CNIH3: variants seen among roughly 807,000 people sequenced by gnomAD.
The protein encoded by CNIH3 is protein cornichon homolog 3.
CNIH3 carries 14 observed loss-of-function variants against 24.1 expected under a neutral mutation model. That is an observed-to-expected ratio of 0.58 (90% CI 0.38 to 0.91). The LOEUF is 0.91. Among genes scored for constraint, CNIH3 ranks in the 40% least tolerant of loss-of-function variants. The pLI is 0.00. For missense variants in CNIH3, 178 were observed against 196.8 expected, an observed-to-expected ratio of 0.90 and a Z score of 0.57; for synonymous variants, 68 against 73.8, an observed-to-expected ratio of 0.92 and a Z score of 0.40.
chr1:224,739,382 G>T lies in CNIH3; in HGVS notation c.*26G>T, dbSNP rs148695032. The T allele has an allele frequency of 2.6e-6, 4 of 1,565,114 alleles. No individual in the cohort carries two copies. In the African/African-American group the frequency reaches 5.8e-5, roughly 23 times the overall value. ...CGCAAAGACCATGCACATCATCAGA[G>T]ACTGAGATGGGAGAGGCCTGAGACG... On this transcript the variant is annotated 3_prime_UTR_variant, in exon 6 of 6. Transcript: ENST00000272133.
intron 1 of CNIH3, among the ~76,000 whole-genome samples, chr1:224,620,154 A>C (rs1683211136): frequency 6.6e-6 from 1 of 152,242 alleles, no homozygotes; most frequent in African/African-American, 2.4e-5. Flanking sequence ...CTCTGAGTAC[A>C]TTTATCACAT....
intron 3 of CNIH3, among the ~76,000 whole-genome samples, chr1:224,705,929 C>A (rs553209856): frequency 7.4e-6 from 1 of 135,948 alleles, no homozygotes; most frequent in East Asian, 2.2e-4. Context: ...TTCGGGGAAG[C>A]CTTTTGCTTC....
chr1:224,458,950 T>A lies in CNIH3; in HGVS notation n.203+24088T>A, dbSNP rs1390789537. Among the ~76,000 whole-genome samples, 1 of 152,044 alleles carries A rather than the reference T, an allele frequency of 6.6e-6. No individual in the cohort carries two copies. Among genetic ancestry groups the A allele is most frequent in the Non-Finnish European group, 1.5e-5 (1 of 68,008 alleles). Reference sequence around the variant, plus strand: ...GCAACTTTTCAAGAAAAGGGGAAAATTTAAGCACCATACTGTTATGTGGTC... The same window carrying A: ...GCAACTTTTCAAGAAAAGGGGAAAAATTAAGCACCATACTGTTATGTGGTC... On this transcript the variant is annotated intron_variant and non_coding_transcript_variant, in intron 1 of 5. Coordinates refer to the CNIH3 transcript ENST00000471578. This position sits in a 1 kb window ranked among gnomAD's most constrained non-coding sequence, Gnocchi z 4.3.
intron 1 of CNIH3, among the ~76,000 whole-genome samples, chr1:224,486,600 G>T (rs1368434137): frequency 6.6e-6 from 1 of 151,996 alleles, no homozygotes; most frequent in East Asian, 1.9e-4. Context: ...TACATACCTA[G>T]AATGCTCTTT....
intron 3 of CNIH3, among the ~76,000 whole-genome samples, chr1:224,707,651 A>C (rs1687895806): frequency 6.6e-6 from 1 of 152,154 alleles, no homozygotes; most frequent in Non-Finnish European, 1.5e-5. Context: ...GCTTGTTATA[A>C]AGGCAGAATC....
At chr1:224,724,240 C>T (rs558473106) in intron 3 of CNIH3, among the ~76,000 whole-genome samples, 5 of 152,158 alleles carry the variant, frequency 3.3e-5, no homozygotes, top group Non-Finnish European at 7.3e-5. Context: ...TCGACCCAAC[C>T]CAAGTCCCAG....
At chr1:224,470,052 T>C (rs1361645949) in intron 1 of CNIH3, among the ~76,000 whole-genome samples, 2 of 151,900 alleles carry the variant, frequency 1.3e-5, no homozygotes, top group Non-Finnish European at 2.9e-5. Flanking sequence ...AGAGTCTCGC[T>C]TTGTTGCCCA....
intron 4 of CNIH3, among the ~76,000 whole-genome samples, chr1:224,730,835 A>G (rs1689289513): frequency 6.6e-6 from 1 of 152,258 alleles, no homozygotes; most frequent in Non-Finnish European, 1.5e-5. Context: ...CATTCACAAC[A>G]GCCAAAGAGT....
At chr1:224,716,056 C>T (rs994072107) in intron 3 of CNIH3, among the ~76,000 whole-genome samples, 2 of 152,204 alleles carry the variant, frequency 1.3e-5, no homozygotes, top group East Asian at 1.9e-4. Context: ...TCATACTCAC[C>T]CTCTCATCCA....
intron 3 of CNIH3, among the ~76,000 whole-genome samples, chr1:224,600,953 G>C (rs540411977): frequency 1.3e-5 from 2 of 152,212 alleles, no homozygotes; most frequent in Non-Finnish European, 2.9e-5. Context: ...TACAGGCAGC[G>C]AATCCAAACA....
intron 1 of CNIH3, among the ~76,000 whole-genome samples, chr1:224,657,433 G>A (rs1572670882): frequency 6.6e-6 from 1 of 151,482 alleles, no homozygotes; most frequent in Admixed American, 6.6e-5. Context: ...GAGAGAGAGA[G>A]AAATATGCCT....
chr1:224,540,903 A>G (rs1370223807), downstream of CNIH3, among the ~76,000 whole-genome samples: 1 of 152,232 alleles, frequency 6.6e-6, no homozygotes, highest in Non-Finnish European at 1.5e-5. Context: ...TCAACTTTCG[A>G]AAACTAGATT....
intron 1 of CNIH3, among the ~76,000 whole-genome samples, chr1:224,451,970 T>C (rs1192791921): frequency 1.3e-5 from 2 of 152,230 alleles, no homozygotes; most frequent in Admixed American, 6.5e-5. Flanking sequence ...TCTGCTTCTA[T>C]ACAGGTTATG....
At chr1:224,494,520 T>C (rs532120423) in intron 1 of CNIH3, among the ~76,000 whole-genome samples, 38 of 152,334 alleles carry the variant, frequency 2.5e-4, no homozygotes, top group Non-Finnish European at 2.9e-4. Flanking sequence ...GCCTGCTGCC[T>C]GACAGTCCTG....
chr1:224,449,942 C>T (rs1675321055), intron 1 of CNIH3, among the ~76,000 whole-genome samples: 1 of 149,604 alleles, frequency 6.7e-6, no homozygotes, highest in Non-Finnish European at 1.5e-5. Flanking sequence ...TTCATCCAAA[C>T]CATCCATTCA....
chr1:224,678,970 A>G (rs982925482), intron 1 of CNIH3, among the ~76,000 whole-genome samples: 1 of 151,996 alleles, frequency 6.6e-6, no homozygotes, highest in African/African-American at 2.4e-5. Flanking sequence ...TGTAACTACT[A>G]CTCAACCCTG....
intron 3 of CNIH3, among the ~76,000 whole-genome samples, chr1:224,723,434 G>A (rs1688848019): frequency 6.6e-6 from 1 of 152,174 alleles, no homozygotes; most frequent in Non-Finnish European, 1.5e-5. Context: ...CCACAGTGTG[G>A]ATTAAATGTG....
At chr1:224,696,211 A>G (rs917092549) in intron 3 of CNIH3, among the ~76,000 whole-genome samples, 6 of 152,216 alleles carry the variant, frequency 3.9e-5, no homozygotes, top group African/African-American at 1.4e-4. Context: ...CATGTGGACC[A>G]TGAGGACATC....
intron 3 of CNIH3, among the ~76,000 whole-genome samples, chr1:224,706,958 C>CT (rs71170031): frequency 0.017 from 1,372 of 82,074 alleles, 51 homozygotes; most frequent in African/African-American, 0.042. Context: ...TCCTTTCTTT[C>CT]TTTTTTTTTT....
Sources: allele counts gnomAD v4.1 joint callset (sites outside exome capture counted in the v4.1 genomes callset), GRCh38; gene constraint gnomAD v4.1.1; non-coding constraint Gnocchi (gnomAD v3.1); transcripts MANE v1.5; gene names NCBI Gene and HGNC (gene_info 2026-07-23, HGNC 2026-07-21).